ADARB2: variants seen among roughly 807,000 people sequenced by gnomAD.
The protein encoded by ADARB2 is inactive double-stranded RNA-specific editase B2.
In ADARB2, 25 loss-of-function variants were observed where a neutral mutation model predicts 62.2. The ratio of observed to expected loss-of-function variants is 0.40; its 90% CI spans 0.29 to 0.56. The LOEUF (loss-of-function observed/expected upper bound fraction) is 0.56, where lower values mean the gene tolerates loss of function less well. Among genes scored for constraint, ADARB2 ranks in the 20% least tolerant of loss-of-function variants. The pLI, the probability that ADARB2 is intolerant of heterozygous loss-of-function variation, is 0.43. For synonymous variants in ADARB2, 572 were observed against 500.8 expected, an observed-to-expected ratio of 1.14 and a Z score of -1.90; for missense variants, 1,071 against 1,077.4, an observed-to-expected ratio of 0.99 and a Z score of 0.08.
intron 5 of ADARB2, among the ~76,000 whole-genome samples, chr10:1,234,809 T>A (rs1329076322): frequency 7.7e-6 from 1 of 129,176 alleles, no homozygotes; most frequent in African/African-American, 2.9e-5. Context: ...AGTGCAGTGG[T>A]GCAATCTTGG....
intron 5 of ADARB2, among the ~76,000 whole-genome samples, chr10:1,240,905 A>T (rs886903967): frequency 6.6e-6 from 1 of 152,152 alleles, no homozygotes; most frequent in Non-Finnish European, 1.5e-5. Context: ...CTCCTGCTGC[A>T]CCCCGCAGGC....
rs1374535069 is a variant in ADARB2, at chr10:1,295,153, G to GCGTT, written c.1078-24088_1078-24085dup. Among the ~76,000 whole-genome samples the GCGTT allele has an allele frequency of 2.6e-5, 4 of 152,322 alleles. No individual in the cohort carries two copies. The East Asian group carries it at 7.7e-4, about 29-fold the overall frequency. On this transcript the variant is annotated intron_variant, in intron 3 of 9. Coordinates refer to ENST00000381312, the MANE Select transcript of ADARB2 (RefSeq NM_018702.4). ...CAAGGCCTTTCTGTTTGAGGTCATG[G>GCGTT]CGTTATGTCTGGTGCAGAGCTCGAC...
At position 1,713,179 on chromosome 10, in the gene ADARB2, G is replaced by A. The variant is rs1029838030; in HGVS notation, c.100+23872C>T. On this transcript the variant is annotated intron_variant, in intron 1 of 9. Transcript: ENST00000381312. ...ACACCTGGGTGCCGGCGAGGGGACC[G>A]CACATACCTGGGGAGGTGTGGGTGA... Among the ~76,000 whole-genome samples the A allele has an allele frequency of 3.3e-5, 5 of 152,196 alleles. No homozygotes were observed. The East Asian group carries it at 7.7e-4, about 23-fold the overall frequency.
At chr10:1,439,017 T>C (rs1305163192) in intron 1 of ADARB2, among the ~76,000 whole-genome samples, 9 of 36,394 alleles carry the variant, frequency 2.5e-4, no homozygotes, top group East Asian at 1.2e-3. Context: ...GGAGGCAGGT[T>C]CTTCACTATG....
intron 3 of ADARB2, among the ~76,000 whole-genome samples, chr10:1,287,324 A>ACC (rs1831423083): frequency 5.3e-5 from 8 of 152,248 alleles, no homozygotes. Context: ...TGATACATAT[A>ACC]CACATTGTGG....
chr10:1,205,035 C>T (rs536712011), intron 7 of ADARB2, among the ~76,000 whole-genome samples: 1 of 152,300 alleles, frequency 6.6e-6, no homozygotes, highest in African/African-American at 2.4e-5. Flanking sequence ...ATGATGCCAC[C>T]TGGGACTGGG....
At chr10:1,213,827 T>C (rs1255714615) in intron 7 of ADARB2, among the ~76,000 whole-genome samples, 1 of 152,190 alleles carries the variant, frequency 6.6e-6, no homozygotes, top group Non-Finnish European at 1.5e-5. Context: ...CACTGAGTGC[T>C]TGGACCTGCC....
intron 6 of ADARB2, among the ~76,000 whole-genome samples, chr10:1,232,782 G>T (rs1000921284): frequency 6.6e-6 from 1 of 151,568 alleles, no homozygotes; most frequent in East Asian, 1.9e-4. Context: ...TATATGGTAT[G>T]TGTGTGGTGT....
intron 1 of ADARB2, among the ~76,000 whole-genome samples, chr10:1,677,049 G>A (rs757891028): frequency 9.9e-5 from 15 of 152,210 alleles, no homozygotes; most frequent in African/African-American, 2.9e-4. Context: ...TTACACATCC[G>A]CTTCACCCCA....
chr10:1,623,596 C>T (rs1053587739), intron 1 of ADARB2, among the ~76,000 whole-genome samples: 2 of 152,244 alleles, frequency 1.3e-5, no homozygotes, highest in Non-Finnish European at 2.9e-5. Context: ...CACCGTGAGC[C>T]GTAACTGCTT....
intron 1 of ADARB2, chr10:1,535,131 C>T (rs1472158034): frequency 1.8e-5 from 3 of 164,612 alleles, no homozygotes; most frequent in Non-Finnish European, 2.9e-5. Context: ...CGCAACACCC[C>T]TCTGGCTCCT....
At chr10:1,194,681 A>C (rs115637611) in intron 8 of ADARB2, among the ~76,000 whole-genome samples, 1,627 of 152,172 alleles carry the variant, frequency 0.011, 43 homozygotes, top group African/African-American at 0.037. Context: ...TTGGTATTGA[A>C]CCATCCTCTG....
chr10:1,384,241 G>A (rs969145993), intron 1 of ADARB2, among the ~76,000 whole-genome samples: 6 of 152,186 alleles, frequency 3.9e-5, no homozygotes, highest in African/African-American at 7.2e-5. Context: ...AGTTCTCTAC[G>A]CTTCCCGGTC....
intron 1 of ADARB2, among the ~76,000 whole-genome samples, chr10:1,447,835 T>C (rs1466619631): frequency 6.6e-6 from 1 of 152,198 alleles, no homozygotes; most frequent in African/African-American, 2.4e-5. Flanking sequence ...TGGTATTTGG[T>C]TTTCTGTTGC....
chr10:1,362,714 G>A (rs1182139609), intron 3 of ADARB2, among the ~76,000 whole-genome samples: 1 of 152,162 alleles, frequency 6.6e-6, no homozygotes, highest in East Asian at 1.9e-4. Context: ...GACCCTACGC[G>A]TGGAGACCCA....
At chr10:1,560,383 G>A (rs972268720) in intron 1 of ADARB2, among the ~76,000 whole-genome samples, 2 of 152,168 alleles carry the variant, frequency 1.3e-5, no homozygotes, top group African/African-American at 4.8e-5. Flanking sequence ...AAAATCAGAC[G>A]AGAAGGATGC....
chr10:1,654,505 C>T (rs1166484603), intron 1 of ADARB2, among the ~76,000 whole-genome samples: 1 of 152,198 alleles, frequency 6.6e-6, no homozygotes, highest in Non-Finnish European at 1.5e-5. Flanking sequence ...CTGTGCAGCC[C>T]CACCCAGAAC....
At chr10:1,681,066 G>A (rs1164841884) in intron 1 of ADARB2, among the ~76,000 whole-genome samples, 2 of 152,170 alleles carry the variant, frequency 1.3e-5, no homozygotes, top group Non-Finnish European at 2.9e-5. Context: ...GAAGTGGGAA[G>A]CGTCAGGTTT....
chr10:1,642,120 T>C (rs1451873900), intron 1 of ADARB2, among the ~76,000 whole-genome samples: 1 of 152,256 alleles, frequency 6.6e-6, no homozygotes, highest in Admixed American at 6.5e-5. Flanking sequence ...TCTCATTCTG[T>C]GTATTTGTGC....
Sources: allele counts gnomAD v4.1 joint callset (sites outside exome capture counted in the v4.1 genomes callset), GRCh38; gene constraint gnomAD v4.1.1; transcripts MANE v1.5; gene names NCBI Gene and HGNC (gene_info 2026-07-23, HGNC 2026-07-21).